Variants in SAMD5 observed in about 807,000 individuals in gnomAD.
The protein encoded by SAMD5 is sterile alpha motif domain containing 5, also known as sterile alpha motif domain-containing protein 5.
Under a neutral mutation model 11.3 loss-of-function variants are expected in SAMD5, and 13 were observed. The observed-to-expected ratio is 1.15, with a 90% CI of 0.75 to 1.83. The LOEUF (loss-of-function observed/expected upper bound fraction) is 1.83. SAMD5 is among the 40% of genes most tolerant of loss of function. The probability of loss-of-function intolerance (pLI) is 0.00; values close to 1 mark genes in which losing one functional copy is unlikely to be tolerated. For missense variants in SAMD5, 255 were observed against 239.1 expected, an observed-to-expected ratio of 1.07 and a Z score of -0.44; for synonymous variants, 129 against 111.3, an observed-to-expected ratio of 1.16 and a Z score of -1.00.
the SAMD5 span, among the ~76,000 whole-genome samples, chr6:147,796,975 A>T: frequency 1.4e-5 from 2 of 145,094 alleles, no homozygotes; most frequent in African/African-American, 2.7e-5. Flanking sequence ...GGGCTGAGAC[A>T]ATGGGGTTTT....
the SAMD5 span, among the ~76,000 whole-genome samples, chr6:147,825,065 TA>T: frequency 3.3e-5 from 5 of 151,988 alleles, no homozygotes. Context: ...GAGGCCGAGG[TA>T]GGGGGATCAT....
At chr6:147,780,696 A>G in the SAMD5 span, among the ~76,000 whole-genome samples, 3 of 152,218 alleles carry the variant, frequency 2.0e-5, no homozygotes, top group African/African-American at 4.8e-5. Flanking sequence ...ATATTTTTCT[A>G]GAGTGACATA....
chr6:147,610,922 T>C (rs1258517640), intron 1 of SAMD5, among the ~76,000 whole-genome samples: 1 of 149,810 alleles, frequency 6.7e-6, no homozygotes, highest in African/African-American at 2.5e-5. Flanking sequence ...CAGGCTGGAG[T>C]ACAGTGGTGT....
the SAMD5 span, among the ~76,000 whole-genome samples, chr6:147,903,737 G>A: frequency 2.0e-5 from 3 of 152,064 alleles, no homozygotes; most frequent in East Asian, 1.9e-4. Flanking sequence ...GTGAAACCCC[G>A]TCTCTACTAA....
chr6:147,619,993 G>C (rs994201900), intron 1 of SAMD5, among the ~76,000 whole-genome samples: 1 of 152,168 alleles, frequency 6.6e-6, no homozygotes, highest in African/African-American at 2.4e-5. Flanking sequence ...ATTACCATTT[G>C]AATTGTTAAG....
intron 1 of SAMD5, chr6:147,676,207 G>T (rs1159816679): frequency 6.6e-6 from 1 of 152,024 alleles, no homozygotes; most frequent in Non-Finnish European, 1.5e-5. Flanking sequence ...CCGGCAAGAT[G>T]CTGGGGACCA....
chr6:147,706,683 AG>A (rs1458225173), intron 1 of SAMD5, among the ~76,000 whole-genome samples: 1 of 152,222 alleles, frequency 6.6e-6, no homozygotes, highest in East Asian at 1.9e-4. Flanking sequence ...TTGGCTCTAC[AG>A]GGCTAACTGC....
At chr6:147,570,154 G>T (rs844592), downstream of SAMD5, 22,143 of 390,122 alleles carry the variant, frequency 0.057, 1,405 homozygotes, top group African/African-American at 0.23. Flanking sequence ...GAGTTCTAAC[G>T]GGAAAGAAAG....
the SAMD5 span, among the ~76,000 whole-genome samples, chr6:147,762,528 G>T: frequency 4.8e-3 from 733 of 152,114 alleles, 17 homozygotes; most frequent in East Asian, 0.074. Context: ...CTTTTATGTT[G>T]TCATGTCTTC....
intron 1 of SAMD5, among the ~76,000 whole-genome samples, chr6:147,637,710 A>C (rs1294312956): frequency 6.6e-6 from 1 of 152,198 alleles, no homozygotes; most frequent in Non-Finnish European, 1.5e-5. Context: ...ATACAGTAAA[A>C]TGGTATTCAC....
At chr6:147,896,700 T>TAA in the SAMD5 span, among the ~76,000 whole-genome samples, 28 of 144,978 alleles carry the variant, frequency 1.9e-4, no homozygotes, top group African/African-American at 5.7e-4. Flanking sequence ...GGGAGTTTTT[T>TAA]TAAAAAAATT....
At chr6:147,823,680 G>C in the SAMD5 span, among the ~76,000 whole-genome samples, 2 of 152,114 alleles carry the variant, frequency 1.3e-5, no homozygotes, top group African/African-American at 2.4e-5. Context: ...TTAGGCACAA[G>C]AACTGAACGG....
intron 1 of SAMD5, among the ~76,000 whole-genome samples, chr6:147,616,206 ATATATAC>A (rs1424678725): frequency 0.02 from 2,766 of 135,520 alleles, 225 homozygotes; most frequent in African/African-American, 0.078. Flanking sequence ...ATATTTATTC[ATATATAC>A]TTCATATATA....
At chr6:147,835,308 G>T in the SAMD5 span, among the ~76,000 whole-genome samples, 3 of 151,428 alleles carry the variant, frequency 2.0e-5, no homozygotes, top group Admixed American at 1.3e-4. Flanking sequence ...TTCATCATCT[G>T]GTTTCTTTGA....
rs1790543746 is a variant in SAMD5 at position 147,654,921 on chromosome 6, G to A, written c.163-82396G>A. On this transcript the variant is annotated intron_variant, in intron 1 of 1. Coordinates refer to the SAMD5 transcript ENST00000566741. ...TGGGTCAGCCTGGGGATTGGTGGCAGGCACGTCTGGGGTCCTTTTGATTGA... is the reference window on the plus strand; with the variant it reads ...TGGGTCAGCCTGGGGATTGGTGGCAAGCACGTCTGGGGTCCTTTTGATTGA... Among the ~76,000 whole-genome samples the A allele has an allele frequency of 2.6e-5, 4 of 152,156 alleles. No homozygotes were observed. The South Asian group carries it at 8.3e-4, about 31-fold the overall frequency.
chr6:147,806,041 T>A, the SAMD5 span, among the ~76,000 whole-genome samples: 1 of 152,116 alleles, frequency 6.6e-6, no homozygotes, highest in Non-Finnish European at 1.5e-5. Context: ...AAACCATTTG[T>A]GTGCTGGAGA....
In SAMD5 at chr6:147,564,939, G is replaced by A; in HGVS notation, c.*483G>A. 2 of 827,412 alleles carry A rather than the reference G, an allele frequency of 2.4e-6. No homozygotes were observed. The highest frequency in any genetic ancestry group is 2.9e-6 in the Non-Finnish European group (2 of 687,170). The allele number at this position is 827,412 out of a possible 1,614,324, so 51.3% of individuals were successfully genotyped here. A position where few individuals can be genotyped will look rare whatever the true frequency, so the allele number is the denominator to read the frequency against. Reference sequence around the variant, plus strand: ...ATACATTCTACTTCATTTCATATAGGACCATGTTTTTATAAGATAAGATAC... The same window carrying A: ...ATACATTCTACTTCATTTCATATAGAACCATGTTTTTATAAGATAAGATAC... On this transcript the variant is annotated 3_prime_UTR_variant, in exon 2 of 2. Transcript: ENST00000367474.
At chr6:147,714,337 T>C (rs1791438384) in intron 1 of SAMD5, among the ~76,000 whole-genome samples, 1 of 152,146 alleles carries the variant, frequency 6.6e-6, no homozygotes. Flanking sequence ...TGGCAGAAAT[T>C]GGAAGAAAAT....
chr6:147,666,550 A>G (rs1282804351), intron 1 of SAMD5, among the ~76,000 whole-genome samples: 2 of 152,088 alleles, frequency 1.3e-5, no homozygotes, highest in African/African-American at 2.4e-5. Flanking sequence ...TAGAAAGCAG[A>G]TGAGGACTGA....
Sources: gnomAD v4.1 joint callset for allele counts (sites outside exome capture counted in the v4.1 genomes callset) on GRCh38, gnomAD v4.1.1 for gene constraint, MANE v1.5 for transcripts, NCBI Gene and HGNC (gene_info 2026-07-23, HGNC 2026-07-21) for gene names.